NLGN1: variants seen among roughly 807,000 people sequenced by gnomAD.
NLGN1 encodes the protein neuroligin-1.
A neutral mutation model predicts 65.5 loss-of-function variants in NLGN1; 12 were observed. That is an observed-to-expected ratio of 0.18 (90% confidence interval 0.12 to 0.30). The LOEUF is 0.30. NLGN1 is among the 10% of genes least tolerant of loss of function. The probability of loss-of-function intolerance (pLI) is 1.00; values close to 1 mark genes in which losing one functional copy is unlikely to be tolerated. For missense variants in NLGN1, 750 were observed against 1,007.1 expected (o/e 0.74, Z 3.46); for synonymous variants, 350 against 359.5 (o/e 0.97, Z 0.30).
intron 2 of NLGN1, among the ~76,000 whole-genome samples, chr3:173,489,312 A>C (rs1383171886): frequency 2.0e-5 from 3 of 151,532 alleles, no homozygotes; most frequent in East Asian, 2.0e-4. Context: ...TCAATTCCCA[A>C]CTATGAGTGA....
intron 4 of NLGN1, among the ~76,000 whole-genome samples, chr3:173,927,657 G>T (rs1743258537): frequency 6.6e-6 from 1 of 152,056 alleles, no homozygotes; most frequent in African/African-American, 2.4e-5. Flanking sequence ...TTCAAGAGTG[G>T]CCTCATTTTA....
At chr3:173,934,800 T>C (rs772066455) in intron 4 of NLGN1, among the ~76,000 whole-genome samples, 6 of 152,040 alleles carry the variant, frequency 3.9e-5, no homozygotes, top group Non-Finnish European at 8.8e-5. Flanking sequence ...GGCCATACCT[T>C]TGTCACTCAC....
intron 4 of NLGN1, among the ~76,000 whole-genome samples, chr3:173,970,627 T>C (rs1181860310): frequency 6.6e-6 from 1 of 152,134 alleles, no homozygotes; most frequent in Non-Finnish European, 1.5e-5. Flanking sequence ...TCCAGAGCTA[T>C]TAGAAGAACA....
intron 4 of NLGN1, among the ~76,000 whole-genome samples, chr3:173,857,877 A>G (rs1358473379): frequency 2.1e-5 from 3 of 146,194 alleles, no homozygotes; most frequent in Non-Finnish European, 1.5e-5. Context: ...TCTTCGTAGG[A>G]AGAGAACTAT....
At chr3:174,025,439 A>G (rs555128272) in intron 4 of NLGN1, among the ~76,000 whole-genome samples, 10 of 152,326 alleles carry the variant, frequency 6.6e-5, no homozygotes, top group Admixed American at 1.3e-4. Flanking sequence ...TTAAGAGAAG[A>G]TATATTCAAC....
chr3:173,799,471 A>G (rs1240153110), intron 3 of NLGN1, among the ~76,000 whole-genome samples: 1 of 152,006 alleles, frequency 6.6e-6, no homozygotes, highest in East Asian at 1.9e-4. Flanking sequence ...CTCCTCAAAC[A>G]TGATCCTATT....
intron 4 of NLGN1, among the ~76,000 whole-genome samples, chr3:173,903,611 A>C (rs1157448626): frequency 6.6e-6 from 1 of 152,124 alleles, no homozygotes; most frequent in East Asian, 1.9e-4. Context: ...CAGTGAGAAT[A>C]ATCTATTGGT....
At chr3:173,488,744 A>G (rs892840781) in intron 2 of NLGN1, among the ~76,000 whole-genome samples, 2 of 151,570 alleles carry the variant, frequency 1.3e-5, no homozygotes, top group East Asian at 3.9e-4. Context: ...CTAAGGTTTG[A>G]TCTTATTTAT....
intron 3 of NLGN1, among the ~76,000 whole-genome samples, chr3:173,628,311 C>T (rs964311765): frequency 2.0e-5 from 3 of 152,046 alleles, no homozygotes; most frequent in Admixed American, 6.6e-5. Flanking sequence ...GCTAAACAAC[C>T]CCACCTTATT....
chr3:173,648,867 G>A (rs934048950), intron 3 of NLGN1, among the ~76,000 whole-genome samples: 1 of 152,020 alleles, frequency 6.6e-6, no homozygotes, highest in African/African-American at 2.4e-5. Flanking sequence ...GAGCCACCAC[G>A]CTCAGCCCTA....
At chr3:173,499,416 CT>C (rs1347822447) in intron 2 of NLGN1, among the ~76,000 whole-genome samples, 7 of 151,718 alleles carry the variant, frequency 4.6e-5, no homozygotes, top group African/African-American at 1.7e-4. Context: ...TGGTCTATAT[CT>C]CTGTTTTGGT....
At chr3:174,108,217 A>T (rs1413294241) in intron 4 of NLGN1, among the ~76,000 whole-genome samples, 4 of 152,000 alleles carry the variant, frequency 2.6e-5, no homozygotes, top group African/African-American at 9.7e-5. Context: ...CTATTTGTGT[A>T]ACTTATCCCA....
intron 4 of NLGN1, among the ~76,000 whole-genome samples, chr3:173,901,190 A>G (rs1446305614): frequency 1.3e-5 from 2 of 152,032 alleles, no homozygotes; most frequent in Non-Finnish European, 2.9e-5. Flanking sequence ...ATTGAGATTA[A>G]TAATGCATTA....
chr3:173,398,216 T>C (rs1456611058), upstream of NLGN1, among the ~76,000 whole-genome samples: 1 of 152,182 alleles, frequency 6.6e-6, no homozygotes, highest in African/African-American at 2.4e-5. Context: ...TTCAGCCTTC[T>C]GCTCTCCCCA....
At chr3:173,627,432 A>G (rs1754998892) in intron 3 of NLGN1, among the ~76,000 whole-genome samples, 2 of 151,800 alleles carry the variant, frequency 1.3e-5, no homozygotes, top group South Asian at 4.2e-4. Flanking sequence ...TTCTTTATCC[A>G]TGTGTTTCTC....
chr3:173,865,504 C>T (rs1019672988), intron 4 of NLGN1, among the ~76,000 whole-genome samples: 3 of 152,060 alleles, frequency 2.0e-5, no homozygotes, highest in Non-Finnish European at 2.9e-5. Context: ...ATTTATTCCT[C>T]AATAAATCCC....
At chr3:173,861,515 CGTGTGTGTGTGT>C (rs145812733) in intron 4 of NLGN1, among the ~76,000 whole-genome samples, 2,600 of 141,442 alleles carry the variant, frequency 0.018, 86 homozygotes, top group African/African-American at 0.059. Flanking sequence ...GTAGCTGGCA[CGTGTGTGTGTGT>C]GTGTGTGTGT....
At chr3:173,997,820 A>G (rs756342972) in intron 4 of NLGN1, among the ~76,000 whole-genome samples, 6 of 152,148 alleles carry the variant, frequency 3.9e-5, no homozygotes, top group Non-Finnish European at 7.3e-5. Flanking sequence ...GGGCTTTTAC[A>G]CCTTACTGAA....
intron 4 of NLGN1, among the ~76,000 whole-genome samples, chr3:174,076,854 A>G (rs1741118092): frequency 6.6e-6 from 1 of 151,940 alleles, no homozygotes. Context: ...AATGAATTCT[A>G]TCTATGTGGC....
Sources: allele counts gnomAD v4.1 joint callset (sites outside exome capture counted in the v4.1 genomes callset), GRCh38; gene constraint gnomAD v4.1.1; transcripts MANE v1.5; gene names NCBI Gene and HGNC (gene_info 2026-07-23, HGNC 2026-07-21).